The following DPP6 variants were observed in gnomAD, a reference collection of about 807,000 sequenced individuals.
DPP6 encodes dipeptidyl peptidase like 6, also known as A-type potassium channel modulatory protein DPP6.
A neutral mutation model predicts 122.6 loss-of-function variants in DPP6; 69 were observed. The observed-to-expected ratio is 0.56, with a 90% CI of 0.46 to 0.69. DPP6 has a LOEUF of 0.69. DPP6 is among the 30% of genes least tolerant of loss of function. DPP6 has a pLI of 0.00. For synonymous variants in DPP6, 418 were observed against 433.1 expected, an observed-to-expected ratio of 0.97 and a Z score of 0.43; for missense variants, 928 against 1,116.9, an observed-to-expected ratio of 0.83 and a Z score of 2.41.
intron 1 of DPP6, among the ~76,000 whole-genome samples, chr7:154,065,914 T>C (rs1802683271): frequency 6.6e-6 from 1 of 152,094 alleles, no homozygotes; most frequent in Admixed American, 6.5e-5. Flanking sequence ...GCCGCCTTGG[T>C]ATCCCACTGG....
At chr7:154,498,377 C>T (rs1456484080) in intron 3 of DPP6, among the ~76,000 whole-genome samples, 3 of 152,176 alleles carry the variant, frequency 2.0e-5, no homozygotes, top group East Asian at 1.9e-4. Flanking sequence ...CTCGCTCTCT[C>T]ACCTAGGCTG....
At chr7:154,203,286 TG>T (rs1799266714) in intron 1 of DPP6, among the ~76,000 whole-genome samples, 1 of 152,154 alleles carries the variant, frequency 6.6e-6, no homozygotes, top group Non-Finnish European at 1.5e-5. Flanking sequence ...ACGGAAACAA[TG>T]ATCCCATAAA....
intron 1 of DPP6, among the ~76,000 whole-genome samples, chr7:154,110,325 G>A (rs1007331448): frequency 5.9e-5 from 9 of 152,056 alleles, no homozygotes; most frequent in African/African-American, 2.2e-4. Context: ...TAGGAAACAT[G>A]GTGCTTACCC....
chr7:154,884,841 A>G (rs1806004510), intron 21 of DPP6: 2 of 152,254 alleles, frequency 1.3e-5, no homozygotes, highest in South Asian at 4.2e-4. Context: ...ATGCTCACAC[A>G]TGTGCTTATA....
At chr7:154,533,630 A>G (rs1279476362) in intron 3 of DPP6, among the ~76,000 whole-genome samples, 2 of 152,202 alleles carry the variant, frequency 1.3e-5, no homozygotes, top group African/African-American at 4.8e-5. Flanking sequence ...AGAAATCACA[A>G]GAAAAAAAAG....
chr7:154,469,305 ATAGT>A (rs1563720476), intron 2 of DPP6, among the ~76,000 whole-genome samples: 1 of 152,186 alleles, frequency 6.6e-6, no homozygotes, highest in East Asian at 1.9e-4. Flanking sequence ...CATCCCAACA[ATAGT>A]TATTTTGTTT....
intron 7 of DPP6, among the ~76,000 whole-genome samples, chr7:154,704,750 A>T (rs557729508): frequency 6.6e-6 from 1 of 152,254 alleles, no homozygotes; most frequent in African/African-American, 2.4e-5. Context: ...TTGCACAGTT[A>T]CTAATCTACA....
chr7:153,976,824 T>A (rs1012107137), intron 1 of DPP6, among the ~76,000 whole-genome samples: 2 of 152,152 alleles, frequency 1.3e-5, no homozygotes, highest in Non-Finnish European at 2.9e-5. Flanking sequence ...GGAGGCATGA[T>A]CCTAAGCATT....
intron 8 of DPP6, among the ~76,000 whole-genome samples, chr7:154,749,366 T>TCA (rs1843220925): frequency 6.0e-5 from 3 of 49,874 alleles, no homozygotes; most frequent in Admixed American, 2.4e-4. Flanking sequence ...TGAGAGAGGG[T>TCA]GAGAGCATAG....
At chr7:153,839,417 C>CA in the DPP6 span, among the ~76,000 whole-genome samples, 1 of 152,186 alleles carries the variant, frequency 6.6e-6, no homozygotes, top group Admixed American at 6.5e-5. Flanking sequence ...TTTTGCAATG[C>CA]AATGGTGAGG....
At chr7:154,221,393 G>A (rs1187104104) in intron 1 of DPP6, among the ~76,000 whole-genome samples, 10 of 151,966 alleles carry the variant, frequency 6.6e-5, no homozygotes, top group African/African-American at 2.2e-4. Flanking sequence ...CACCCACTTC[G>A]GCCTCCCAAA....
chr7:153,896,570 T>C (rs1397893964), intron 1 of DPP6, among the ~76,000 whole-genome samples: 1 of 152,172 alleles, frequency 6.6e-6, no homozygotes, highest in Admixed American at 6.5e-5. Flanking sequence ...TTTGGGAGGC[T>C]GAGGTGGGAG....
intron 3 of DPP6, among the ~76,000 whole-genome samples, chr7:154,488,430 T>C (rs1380605657): frequency 1.3e-5 from 2 of 151,518 alleles, no homozygotes; most frequent in Non-Finnish European, 2.9e-5. Context: ...GCCTGGGTGA[T>C]TGATAGAGCG....
upstream of DPP6, among the ~76,000 whole-genome samples, chr7:154,052,063 C>T (rs1450586564): frequency 6.6e-6 from 1 of 151,276 alleles, no homozygotes; most frequent in African/African-American, 2.4e-5. This position sits in a 1 kb window ranked among gnomAD's most constrained non-coding sequence, Gnocchi z 4.8. Flanking sequence ...CCTGGCCGGC[C>T]TGCCTGCCTC....
At chr7:154,520,206 C>G (rs1732213002) in intron 3 of DPP6, among the ~76,000 whole-genome samples, 1 of 152,226 alleles carries the variant, frequency 6.6e-6, no homozygotes, top group Non-Finnish European at 1.5e-5. Context: ...ATTTACTTGT[C>G]TCTCAAATTT....
intron 2 of DPP6, among the ~76,000 whole-genome samples, chr7:154,460,846 G>A (rs1821235920): frequency 6.6e-6 from 1 of 151,998 alleles, no homozygotes; most frequent in African/African-American, 2.4e-5. Flanking sequence ...TCTTTGTGTT[G>A]CAAACAATCC....
intron 16 of DPP6, among the ~76,000 whole-genome samples, chr7:154,849,874 G>A (rs1802236121): frequency 6.6e-6 from 1 of 152,166 alleles, no homozygotes; most frequent in African/African-American, 2.4e-5. Flanking sequence ...TATCATGAAA[G>A]GATGTTGAAG....
At chr7:154,795,357 A>G (rs1797979794) in intron 11 of DPP6, among the ~76,000 whole-genome samples, 1 of 152,106 alleles carries the variant, frequency 6.6e-6, no homozygotes, top group African/African-American at 2.4e-5. Context: ...CTTTCCATAG[A>G]CCACTGTGAG....
At chr7:154,314,084 ACCCTTGACTTGC>A (rs1483820402) in intron 1 of DPP6, among the ~76,000 whole-genome samples, 1 of 152,052 alleles carries the variant, frequency 6.6e-6, no homozygotes, top group African/African-American at 2.4e-5. Context: ...TGAAGACCTG[ACCCTTGACTTGC>A]CAATAGCTAA....
Sources: allele counts gnomAD v4.1 joint callset (sites outside exome capture counted in the v4.1 genomes callset), GRCh38; gene constraint gnomAD v4.1.1; non-coding constraint Gnocchi (gnomAD v3.1); transcripts MANE v1.5; gene names NCBI Gene and HGNC (gene_info 2026-07-23, HGNC 2026-07-21).